The following ZBTB40 variants were observed in gnomAD, a reference collection of about 807,000 sequenced individuals.
The protein encoded by ZBTB40 is zinc finger and BTB domain containing 40.
ZBTB40 carries 60 observed loss-of-function variants against 117.5 expected under a neutral mutation model. The ratio of observed to expected loss-of-function variants is 0.51; its 90% CI spans 0.41 to 0.63. The LOEUF is 0.63. ZBTB40 is among the 30% of genes least tolerant of loss of function. ZBTB40 has a pLI of 0.00. For missense variants in ZBTB40, 1,287 were observed against 1,498.5 expected (o/e 0.86, Z 2.33); for synonymous variants, 525 against 577.1 (o/e 0.91, Z 1.29).
rs1167312439 is a variant in ZBTB40 at position 22,513,151 on chromosome 1, T to C, written c.2668+21T>C. On this transcript the variant is annotated intron_variant, in intron 12 of 17. Coordinates refer to ENST00000375647, the MANE Select transcript of ZBTB40 (RefSeq NM_014870.4). This position sits in a 1 kb window ranked among gnomAD's most constrained non-coding sequence, Gnocchi z 4.9. ...AGAAGGTAAGGCGGGGCACAGTTCA[T>C]TTCTCCTGCAGACTTTCACTGCGAA... is the stretch of plus-strand genomic sequence containing the variant. 6.2e-7 allele frequency: 1 copy of C among 1,610,628 alleles called. No homozygotes were observed. The highest frequency in any genetic ancestry group is 8.5e-7 in the Non-Finnish European group (1 of 1,178,436).
intron 13 of ZBTB40, among the ~76,000 whole-genome samples, chr1:22,519,265 A>G (rs555692965): frequency 5.9e-5 from 9 of 152,398 alleles, no homozygotes; most frequent in African/African-American, 2.2e-4. Context: ...GTTTCCTGCC[A>G]TAGGATGGCA....
intron 1 of ZBTB40, among the ~76,000 whole-genome samples, chr1:22,441,906 A>G (rs1400750045): frequency 6.6e-6 from 1 of 152,194 alleles, no homozygotes; most frequent in Non-Finnish European, 1.5e-5. Context: ...GCATTTATAC[A>G]CATAAATTTA....
At chr1:22,433,775 A>T (rs1640634107) in intron 1 of ZBTB40, among the ~76,000 whole-genome samples, 1 of 151,774 alleles carries the variant, frequency 6.6e-6, no homozygotes, top group Non-Finnish European at 1.5e-5. Flanking sequence ...AGCCTGGGTG[A>T]CAGAGTGAGA....
Position 22,501,700 on chromosome 1 carries a change from A to T in ZBTB40, c.1024+16A>T. ...CAGCCAAAAGGTAGGAGAAGATCCTATGCATTGGAATGGCAGGGTTTTATT... is the reference window on the plus strand; with the variant it reads ...CAGCCAAAAGGTAGGAGAAGATCCTTTGCATTGGAATGGCAGGGTTTTATT... On this transcript the variant is annotated intron_variant, in intron 4 of 17. Coordinates refer to ENST00000375647, the MANE Select transcript of ZBTB40 (RefSeq NM_014870.4). The T allele has an allele frequency of 6.2e-7, 1 of 1,611,656 alleles. No homozygotes were observed. The highest frequency in any genetic ancestry group is 1.1e-5 in the South Asian group (1 of 90,816).
intron 9 of ZBTB40, among the ~76,000 whole-genome samples, chr1:22,510,290 T>C (rs548065670): frequency 6.6e-6 from 1 of 152,288 alleles, no homozygotes; most frequent in East Asian, 1.9e-4. Context: ...GACAGCCACA[T>C]GTTGGTCTGA....
At position 22,481,700 on chromosome 1, in the gene ZBTB40, C is replaced by G. The variant is rs910957746; in HGVS notation, c.-69-8180C>G. On this transcript the variant is annotated intron_variant, in intron 1 of 17. Transcript: ENST00000375647. ...TATAATTCCAGTCACTTGTTTCTTA[C>G]TAATAAGAATGTTTAAAAAGATCTA... Among the ~76,000 whole-genome samples, 6 of 134,374 alleles carry G rather than the reference C, an allele frequency of 4.5e-5. No individual in the cohort carries two copies. In the East Asian group the frequency reaches 1.4e-3, roughly 31 times the overall value. 88.2% of individuals were successfully genotyped at this position (134,374 alleles called of 152,430 possible).
chr1:22,514,850 T>C (rs11800100), intron 12 of ZBTB40, among the ~76,000 whole-genome samples: 3,564 of 152,324 alleles, frequency 0.023, 146 homozygotes, highest in African/African-American at 0.079. Flanking sequence ...TTGGCAATAG[T>C]AGGCCTTCAA....
At chr1:22,431,481 G>C (rs979358198) in intron 1 of ZBTB40, among the ~76,000 whole-genome samples, 18 of 150,618 alleles carry the variant, frequency 1.2e-4, no homozygotes, top group Non-Finnish European at 1.0e-4. Flanking sequence ...GCCCACGCCT[G>C]TAATCCCAGC....
At chr1:22,519,306 G>A (rs1363806184) in intron 13 of ZBTB40, among the ~76,000 whole-genome samples, 1 of 152,224 alleles carries the variant, frequency 6.6e-6, no homozygotes, top group Non-Finnish European at 1.5e-5. Context: ...TAGTTTTATT[G>A]TGGGGGTCTC....
chr1:22,464,620 A>G (rs1641208997), intron 1 of ZBTB40, among the ~76,000 whole-genome samples: 1 of 152,242 alleles, frequency 6.6e-6, no homozygotes, highest in South Asian at 2.1e-4. Context: ...CATGTTTACT[A>G]TAGAAAATTT....
At chr1:22,439,288 C>CTATAGTA (rs2124365423) in intron 1 of ZBTB40, among the ~76,000 whole-genome samples, 1 of 152,282 alleles carries the variant, frequency 6.6e-6, no homozygotes, top group East Asian at 1.9e-4. Flanking sequence ...TCTTTCATTC[C>CTATAGTA]ATGGGTTTCC....
chr1:22,461,029 T>G (rs1641119743), intron 1 of ZBTB40, among the ~76,000 whole-genome samples: 1 of 152,236 alleles, frequency 6.6e-6, no homozygotes, highest in Non-Finnish European at 1.5e-5. Context: ...TGCCACTGTT[T>G]TGAATACTTA....
At chr1:22,475,886 T>C in intron 1 of ZBTB40, among the ~76,000 whole-genome samples, 1 of 152,166 alleles carries the variant, frequency 6.6e-6, no homozygotes, top group East Asian at 1.9e-4. Flanking sequence ...CACTGATTGG[T>C]ATGAGGACGT....
intron 1 of ZBTB40, among the ~76,000 whole-genome samples, chr1:22,461,842 G>A (rs917209535): frequency 1.3e-5 from 2 of 152,216 alleles, no homozygotes; most frequent in Non-Finnish European, 2.9e-5. Context: ...GTAGTGCCAA[G>A]CCTCAGTTAA....
At chr1:22,483,778 T>C (rs961106230) in intron 1 of ZBTB40, among the ~76,000 whole-genome samples, 7 of 152,230 alleles carry the variant, frequency 4.6e-5, no homozygotes, top group Non-Finnish European at 1.0e-4. Context: ...GCAAAATTTA[T>C]TTCTGTCATG....
At chr1:22,477,312 A>G (rs1039734295) in intron 1 of ZBTB40, among the ~76,000 whole-genome samples, 7 of 152,236 alleles carry the variant, frequency 4.6e-5, no homozygotes, top group Non-Finnish European at 1.0e-4. Context: ...GAGCTAACAC[A>G]TACAGTGCTT....
intron 1 of ZBTB40, among the ~76,000 whole-genome samples, chr1:22,467,463 T>C (rs1569788454): frequency 6.6e-6 from 1 of 152,160 alleles, no homozygotes; most frequent in East Asian, 1.9e-4. Context: ...TCCTATGTTA[T>C]TAGTGCAAGT....
chr1:22,507,795 G>T (rs1255424179), intron 6 of ZBTB40, among the ~76,000 whole-genome samples: 2 of 152,170 alleles, frequency 1.3e-5, no homozygotes, highest in Non-Finnish European at 2.9e-5. Context: ...AAGCGTTAAC[G>T]GCTTTATGAC....
intron 12 of ZBTB40, among the ~76,000 whole-genome samples, chr1:22,514,608 C>G (rs1247737873): frequency 6.6e-6 from 1 of 152,212 alleles, no homozygotes; most frequent in Admixed American, 6.5e-5. Context: ...AGACCTTACT[C>G]ACACTTACCT....
Sources: allele counts gnomAD v4.1 joint callset (sites outside exome capture counted in the v4.1 genomes callset), GRCh38; gene constraint gnomAD v4.1.1; non-coding constraint Gnocchi (gnomAD v3.1); transcripts MANE v1.5; gene names NCBI Gene and HGNC (gene_info 2026-07-23, HGNC 2026-07-21).